The following SGCZ variants were observed in gnomAD, a reference collection of about 807,000 sequenced individuals.
SGCZ encodes the protein sarcoglycan zeta.
In SGCZ, 40 loss-of-function variants were observed where a neutral mutation model predicts 41.3. The observed-to-expected ratio is 0.97, with a 90% CI of 0.75 to 1.26. The LOEUF is 1.26. Ranked by LOEUF, SGCZ falls within the 50% of genes most tolerant of loss-of-function variation. SGCZ has a pLI of 0.00. For missense variants in SGCZ, 552 were observed against 369.8 expected, an observed-to-expected ratio of 1.49 and a Z score of -4.04; for synonymous variants, 206 against 137.5, an observed-to-expected ratio of 1.50 and a Z score of -3.49.
chr8:14,523,884 G>C lies in SGCZ; in HGVS notation c.234+30848C>G, dbSNP rs143754621. Among the ~76,000 whole-genome samples the C allele has an allele frequency of 1.3e-3, 200 of 151,912 alleles. 1 individual carries two copies. The highest frequency in any genetic ancestry group is 4.3e-3 in the African/African-American group (179 of 41,440). ...ACTTCTGTTATTTTTTCCCTACTCT[G>C]TTTTCTTTCTATTGCTCAGATTAGG... On this transcript the variant is annotated intron_variant, in intron 2 of 7. Coordinates refer to ENST00000382080, the MANE Select transcript of SGCZ (RefSeq NM_139167.4).
chr8:14,405,934 G>A (rs1799201086), intron 2 of SGCZ, among the ~76,000 whole-genome samples: 1 of 152,106 alleles, frequency 6.6e-6, no homozygotes, highest in Non-Finnish European at 1.5e-5. Flanking sequence ...AAGCAAATAT[G>A]CAATGAGCAC....
intron 2 of SGCZ, among the ~76,000 whole-genome samples, chr8:14,418,707 ATATTT>A (rs1299604643): frequency 2.0e-5 from 3 of 151,994 alleles, no homozygotes; most frequent in Non-Finnish European, 4.4e-5. Flanking sequence ...CAATCAATTT[ATATTT>A]TATAAAATAT....
chr8:14,178,399 C>T (rs1425085494), intron 4 of SGCZ, among the ~76,000 whole-genome samples: 1 of 152,198 alleles, frequency 6.6e-6, no homozygotes, highest in East Asian at 1.9e-4. Flanking sequence ...TGGTCCATAG[C>T]CGTCATTAGA....
At chr8:14,530,584 G>T (rs11987549) in intron 2 of SGCZ, among the ~76,000 whole-genome samples, 33,091 of 151,984 alleles carry the variant, frequency 0.22, 3,664 homozygotes, top group East Asian at 0.31. Flanking sequence ...TTGGCACACA[G>T]CAGTAACACT....
intron 3 of SGCZ, among the ~76,000 whole-genome samples, chr8:14,281,494 T>C (rs1383010396): frequency 2.0e-5 from 3 of 152,022 alleles, no homozygotes; most frequent in Admixed American, 6.5e-5. Context: ...AGATGAAAAG[T>C]ATCATCATCC....
chr8:14,544,640 T>C (rs1286410847), intron 2 of SGCZ, among the ~76,000 whole-genome samples: 1 of 151,974 alleles, frequency 6.6e-6, no homozygotes, highest in African/African-American at 2.4e-5. Flanking sequence ...TACACCCTGG[T>C]CTCCTGCAGA....
At chr8:15,224,915 T>G (rs1442946624) in intron 1 of SGCZ, among the ~76,000 whole-genome samples, 1 of 152,182 alleles carries the variant, frequency 6.6e-6, no homozygotes, top group Non-Finnish European at 1.5e-5. Context: ...AATTTTAAAC[T>G]TATATGTATC....
At chr8:14,104,319 G>T (rs771127677) in intron 6 of SGCZ, among the ~76,000 whole-genome samples, 2 of 152,026 alleles carry the variant, frequency 1.3e-5, no homozygotes, top group African/African-American at 2.4e-5. Flanking sequence ...GCAGAGAGAA[G>T]GATAGTCCCT....
rs866499638 is a variant in SGCZ, at chr8:14,398,051, C to T, written c.235-73847G>A. Reference sequence around the variant, plus strand: ...TCAACTCAAAGGACCCTTTTTGTGACCCTCAATTGACATCAACTCAAGGGA... The same window carrying T: ...TCAACTCAAAGGACCCTTTTTGTGATCCTCAATTGACATCAACTCAAGGGA... On this transcript the variant is annotated intron_variant, in intron 2 of 7. Transcript: ENST00000382080. Among the ~76,000 whole-genome samples the T allele has an allele frequency of 4.6e-5, 7 of 152,098 alleles. 1 individual carries two copies. The Middle Eastern group carries it at 0.017, about 370-fold the overall frequency.
intron 1 of SGCZ, among the ~76,000 whole-genome samples, chr8:14,903,391 A>G (rs1799029444): frequency 6.6e-6 from 1 of 152,188 alleles, no homozygotes; most frequent in Non-Finnish European, 1.5e-5. Flanking sequence ...ATTAATAATT[A>G]TGAATAATAT....
intron 2 of SGCZ, among the ~76,000 whole-genome samples, chr8:14,525,329 G>C (rs543119275): frequency 3.3e-5 from 5 of 152,204 alleles, no homozygotes; most frequent in African/African-American, 9.6e-5. Flanking sequence ...CTGTCATCCT[G>C]TGTTCCTGGA....
chr8:14,157,444 A>G (rs1325870885), intron 5 of SGCZ, among the ~76,000 whole-genome samples: 1 of 150,558 alleles, frequency 6.6e-6, no homozygotes, highest in African/African-American at 2.4e-5. Context: ...TCTTTTTGAC[A>G]TGTCCCCATC....
At chr8:14,844,642 A>G (rs1411066603) in intron 1 of SGCZ, among the ~76,000 whole-genome samples, 1 of 152,194 alleles carries the variant, frequency 6.6e-6, no homozygotes, top group Non-Finnish European at 1.5e-5. Flanking sequence ...TTCCGAGCAC[A>G]TGAGCCTAAA....
chr8:14,221,350 G>C (rs2117121826), intron 4 of SGCZ, among the ~76,000 whole-genome samples: 1 of 152,276 alleles, frequency 6.6e-6, no homozygotes, highest in Admixed American at 6.5e-5. Flanking sequence ...TTACACACAT[G>C]GTTTATAATT....
At chr8:14,631,067 G>C (rs924533449) in intron 1 of SGCZ, among the ~76,000 whole-genome samples, 1 of 151,730 alleles carries the variant, frequency 6.6e-6, no homozygotes, top group Non-Finnish European at 1.5e-5. Context: ...AAAAAGAAAG[G>C]TGATTTCCAT....
intron 1 of SGCZ, among the ~76,000 whole-genome samples, chr8:15,207,950 G>A (rs921882173): frequency 1.3e-5 from 2 of 152,126 alleles, no homozygotes; most frequent in Non-Finnish European, 1.5e-5. Context: ...AATATGGACT[G>A]GTGAATGTCT....
At position 15,040,776 on chromosome 8, in the gene SGCZ, G is replaced by C. The variant is rs76263414; in HGVS notation, c.39+196809C>G. On this transcript the variant is annotated intron_variant, in intron 1 of 7. Coordinates refer to ENST00000382080, the MANE Select transcript of SGCZ (RefSeq NM_139167.4). ...AATACTGGAAAAAGTCACGTCACTA[G>C]GGTGAGCTGCACTTTTTTAAACATA... Among the ~76,000 whole-genome samples the C allele has an allele frequency of 8.2e-3, 1,250 of 152,242 alleles. 20 individuals are homozygous for C. The highest frequency in any genetic ancestry group is 0.029 in the African/African-American group (1,189 of 41,532).
chr8:14,788,933 A>G (rs1800861021), intron 1 of SGCZ, among the ~76,000 whole-genome samples: 1 of 152,176 alleles, frequency 6.6e-6, no homozygotes, highest in African/African-American at 2.4e-5. Flanking sequence ...CAATATAGCT[A>G]GACTCTGTCT....
chr8:15,171,202 G>A (rs547083197), intron 1 of SGCZ, among the ~76,000 whole-genome samples: 8 of 152,146 alleles, frequency 5.3e-5, no homozygotes, highest in Non-Finnish European at 1.2e-4. Context: ...TAGTCTTTGA[G>A]TTAGTTCATT....
Sources: allele counts gnomAD v4.1 joint callset (sites outside exome capture counted in the v4.1 genomes callset), GRCh38; gene constraint gnomAD v4.1.1; transcripts MANE v1.5; gene names NCBI Gene and HGNC (gene_info 2026-07-23, HGNC 2026-07-21).